The following LCORL variants were observed in gnomAD, a reference collection of about 807,000 sequenced individuals.
LCORL encodes the protein ligand-dependent nuclear receptor corepressor-like protein.
In LCORL, 41 loss-of-function variants were observed where a neutral mutation model predicts 141.8. The observed-to-expected ratio is 0.29, with a 90% confidence interval of 0.23 to 0.38. The LOEUF is 0.38. Ranked by LOEUF, LCORL falls within the 10% of genes least tolerant of loss-of-function variation. LCORL has a pLI of 1.00. For synonymous variants in LCORL, 618 were observed against 694.1 expected (o/e 0.89, Z 1.72); for missense variants, 1,759 against 2,035.0 (o/e 0.86, Z 2.61).
exon 7 of LCORL, chr4:17,876,162 G>A: frequency 8.1e-7 from 1 of 1,230,910 alleles, no homozygotes; most frequent in Non-Finnish European, 1.0e-6. Flanking sequence ...TTCATATTTT[G>A]CTGGTACATT....
exon 8 of LCORL, chr4:17,843,281 G>A: frequency 1.3e-6 from 2 of 1,597,644 alleles, no homozygotes; most frequent in Non-Finnish European, 1.7e-6. Context: ...CTAAATTCGT[G>A]TATTTTCAAC....
chr4:17,870,550 T>C (rs186773799), intron 7 of LCORL, among the ~76,000 whole-genome samples: 2 of 152,312 alleles, frequency 1.3e-5, no homozygotes, highest in East Asian at 1.9e-4. Context: ...GAATTGGCTA[T>C]CCATTTTTCT....
intron 4 of LCORL, among the ~76,000 whole-genome samples, chr4:17,911,471 G>A (rs1577394839): frequency 1.3e-5 from 2 of 152,302 alleles, no homozygotes; most frequent in East Asian, 3.9e-4. Context: ...TCCAGTATCA[G>A]TGCAACATGA....
chr4:17,935,629 C>T (rs962447814), intron 4 of LCORL, among the ~76,000 whole-genome samples: 3 of 152,176 alleles, frequency 2.0e-5, no homozygotes, highest in African/African-American at 7.2e-5. Context: ...TCCTCTCTCA[C>T]CATGTGATAC....
intron 2 of LCORL, among the ~76,000 whole-genome samples, chr4:17,964,942 TA>T (rs1714585163): frequency 6.6e-6 from 1 of 151,604 alleles, no homozygotes; most frequent in African/African-American, 2.4e-5. Context: ...CGGGAAGGGG[TA>T]TTTTTAAAAA....
At chr4:18,020,329 C>T (rs1725303070) in intron 1 of LCORL, among the ~76,000 whole-genome samples, 1 of 152,004 alleles carries the variant, frequency 6.6e-6, no homozygotes, top group African/African-American at 2.4e-5. Flanking sequence ...TCTTAAGACA[C>T]TAGGGTTACT....
At chr4:17,932,714 T>C (rs574264684) in intron 4 of LCORL, among the ~76,000 whole-genome samples, 21 of 152,274 alleles carry the variant, frequency 1.4e-4, no homozygotes, top group Non-Finnish European at 2.1e-4. Flanking sequence ...AACACACCCA[T>C]ACTAATTCAT....
chr4:17,960,957 T>G (rs955572468), intron 4 of LCORL, among the ~76,000 whole-genome samples: 2 of 152,126 alleles, frequency 1.3e-5, no homozygotes, highest in Non-Finnish European at 2.9e-5. Context: ...ATAAAAGAAC[T>G]TAGAACACTT....
chr4:17,992,116 G>C (rs1052317300), intron 1 of LCORL, among the ~76,000 whole-genome samples: 2 of 152,148 alleles, frequency 1.3e-5, no homozygotes, highest in Admixed American at 6.5e-5. Flanking sequence ...ACCCATGACT[G>C]GGTAATTTAT....
intron 4 of LCORL, chr4:17,960,247 A>C (rs748324582): frequency 6.5e-6 from 1 of 154,352 alleles, no homozygotes; most frequent in African/African-American, 2.4e-5. Flanking sequence ...AGGTCACTAA[A>C]TATCCAAGAA....
chr4:17,873,841 T>C, exon 7 of LCORL: 1 of 1,233,966 alleles, frequency 8.1e-7, no homozygotes, highest in Non-Finnish European at 1.0e-6. Context: ...CTCCAACTAT[T>C]AGGACATACA....
chr4:17,897,027 T>A (rs541289853), intron 5 of LCORL, among the ~76,000 whole-genome samples: 89 of 152,168 alleles, frequency 5.8e-4, no homozygotes, highest in Non-Finnish European at 9.6e-4. Context: ...GTTCCATCCA[T>A]CTTGTTGCAA....
rs537388280 is a variant in LCORL, at chr4:17,899,066, T to C, written c.682+10028A>G. Among the ~76,000 whole-genome samples, 11 of 152,342 alleles carry C rather than the reference T, an allele frequency of 7.2e-5. No homozygotes were observed. The South Asian group carries it at 1.9e-3, about 26-fold the overall frequency. ...AGAGTATTTTCCTATGTTTAAGGGC[T>C]TTTAAAATTTCTTCTATGAACTGAC... On this transcript the variant is annotated intron_variant, in intron 5 of 7. Transcript: ENST00000635767.
intron 4 of LCORL, among the ~76,000 whole-genome samples, chr4:17,958,877 T>C (rs1713216759): frequency 1.3e-5 from 2 of 151,992 alleles, no homozygotes; most frequent in African/African-American, 4.8e-5. Flanking sequence ...AGATTTTCAT[T>C]CTACTCTAGC....
At chr4:17,875,962 C>A in exon 7 of LCORL, 4 of 1,231,104 alleles carry the variant, frequency 3.2e-6, no homozygotes, top group Non-Finnish European at 3.0e-6. Context: ...TTTGAGATAT[C>A]CTCATTTGTT....
intron 7 of LCORL, among the ~76,000 whole-genome samples, chr4:17,863,887 T>C (rs1403777728): frequency 6.6e-6 from 1 of 152,138 alleles, no homozygotes; most frequent in Non-Finnish European, 1.5e-5. Flanking sequence ...AGCAAACTAA[T>C]GCAGGAATGG....
At chr4:18,020,036 A>G (rs570276072) in intron 1 of LCORL, among the ~76,000 whole-genome samples, 1 of 152,360 alleles carries the variant, frequency 6.6e-6, no homozygotes, top group South Asian at 2.1e-4. Flanking sequence ...TCCTTAGAGA[A>G]GACCAAAATA....
intron 4 of LCORL, among the ~76,000 whole-genome samples, chr4:17,931,636 G>T (rs994953892): frequency 2.0e-5 from 3 of 151,820 alleles, no homozygotes; most frequent in African/African-American, 7.3e-5. Context: ...TTTTGTTATT[G>T]ATGTCCATCT....
chr4:17,851,077 G>A (rs1409143123), intron 7 of LCORL, among the ~76,000 whole-genome samples: 26 of 136,656 alleles, frequency 1.9e-4, no homozygotes, highest in Middle Eastern at 3.9e-3. Flanking sequence ...GAATTGAACA[G>A]TGAGAACACA....
Sources: allele counts gnomAD v4.1 joint callset (sites outside exome capture counted in the v4.1 genomes callset), GRCh38; gene constraint gnomAD v4.1.1; transcripts MANE v1.5; gene names NCBI Gene and HGNC (gene_info 2026-07-23, HGNC 2026-07-21).